Variants in WDPCP observed in about 807,000 individuals in gnomAD.
WDPCP encodes WD repeat-containing and planar cell polarity effector protein fritz homolog.
Under a neutral mutation model 93.1 loss-of-function variants are expected in WDPCP, and 71 were observed. The observed-to-expected ratio is 0.76, with a 90% CI of 0.63 to 0.93. The LOEUF (loss-of-function observed/expected upper bound fraction) is 0.93. WDPCP is among the 40% of genes least tolerant of loss of function. WDPCP has a pLI of 0.00. For missense variants in WDPCP, 844 were observed against 887.4 expected (o/e 0.95, Z 0.62); for synonymous variants, 315 against 315.0 (o/e 1.00, Z 0.00).
chr2:63,372,283 C>T (rs1009209363), intron 12 of WDPCP, among the ~76,000 whole-genome samples: 3 of 152,142 alleles, frequency 2.0e-5, no homozygotes, highest in Non-Finnish European at 4.4e-5. Flanking sequence ...AATCCACCCC[C>T]ATGATCCAAA....
At chr2:63,770,316 A>C (rs1245713883) in intron 2 of WDPCP, among the ~76,000 whole-genome samples, 1 of 151,970 alleles carries the variant, frequency 6.6e-6, no homozygotes, top group Non-Finnish European at 1.5e-5. Context: ...TTTAAGTTGT[A>C]CTCAGAAAAA....
chr2:63,437,265 G>A (rs767520005), intron 8 of WDPCP, among the ~76,000 whole-genome samples, 156 bp downstream of exon 8: 3 of 151,956 alleles, frequency 2.0e-5, no homozygotes, highest in Non-Finnish European at 2.9e-5. Flanking sequence ...ACTTAGGATG[G>A]CCACTGTTTA....
At chr2:63,126,278 T>C (rs1180086036) in intron 17 of WDPCP, among the ~76,000 whole-genome samples, 1 of 152,166 alleles carries the variant, frequency 6.6e-6, no homozygotes, top group Non-Finnish European at 1.5e-5. Flanking sequence ...TGAAAAAGTG[T>C]TTCCATCTAG....
intron 2 of WDPCP, among the ~76,000 whole-genome samples, chr2:63,691,873 A>AGTGTGTGTGT (rs71393325): frequency 4.1e-5 from 6 of 145,090 alleles, no homozygotes; most frequent in Non-Finnish European, 7.6e-5. Context: ...TATACTACAA[A>AGTGTGTGTGT]GTGTGTGTGT....
At chr2:63,173,830 T>C (rs958236517) in intron 15 of WDPCP, among the ~76,000 whole-genome samples, 3 of 152,214 alleles carry the variant, frequency 2.0e-5, no homozygotes, top group African/African-American at 7.2e-5. Flanking sequence ...CTTGAGGGTA[T>C]TATAGGTGGG....
chr2:63,195,472 A>AT lies in WDPCP; in HGVS notation c.1916-20641dup, dbSNP rs199926811. ...ACTGCATGGGTCCACTTATACATGG[A>AT]TTTTTTTTTGAGACAGGGTCTCATT... On this transcript the variant is annotated intron_variant, in intron 14 of 17. Transcript: ENST00000272321. Among the ~76,000 whole-genome samples, 448 of 151,396 alleles carry AT rather than the reference A, an allele frequency of 3.0e-3. 2 individuals carry two copies. The highest frequency in any genetic ancestry group is 4.4e-3 in the Non-Finnish European group (296 of 67,794).
chr2:63,204,605 G>C (rs946767240), intron 14 of WDPCP, among the ~76,000 whole-genome samples: 1 of 152,132 alleles, frequency 6.6e-6, no homozygotes, highest in Non-Finnish European at 1.5e-5. Flanking sequence ...GCCTCCCGAA[G>C]TGTTGGGATG....
intron 12 of WDPCP, among the ~76,000 whole-genome samples, chr2:63,333,735 A>C (rs1358861426): frequency 3.3e-5 from 5 of 152,154 alleles, no homozygotes; most frequent in Non-Finnish European, 7.4e-5. Context: ...GCCTCCCTAA[A>C]ATATATAAAA....
chr2:63,573,237 G>T (rs1031943551), intron 1 of WDPCP, among the ~76,000 whole-genome samples: 3 of 146,808 alleles, frequency 2.0e-5, no homozygotes, highest in African/African-American at 7.6e-5. Context: ...AGCAAGACCT[G>T]CCTCAAAAAA....
At chr2:63,351,632 T>C (rs567791929) in intron 12 of WDPCP, among the ~76,000 whole-genome samples, 4 of 152,332 alleles carry the variant, frequency 2.6e-5, no homozygotes, top group African/African-American at 9.6e-5. Flanking sequence ...TAGTATTCCA[T>C]GGTATACAGG....
intron 1 of WDPCP, among the ~76,000 whole-genome samples, chr2:63,821,118 T>C (rs1264327448): frequency 5.9e-5 from 9 of 152,300 alleles, no homozygotes; most frequent in African/African-American, 1.9e-4. Flanking sequence ...ATGATGTCCT[T>C]GTCCTTGAGG....
chr2:63,790,240 C>T (rs757254244), intron 2 of WDPCP, among the ~76,000 whole-genome samples: 8 of 151,990 alleles, frequency 5.3e-5, no homozygotes, highest in African/African-American at 9.7e-5. Flanking sequence ...AGGTGCTGGG[C>T]GAAATTATAG....
intron 9 of WDPCP, among the ~76,000 whole-genome samples, chr2:63,419,853 G>A (rs912482079): frequency 6.6e-6 from 1 of 152,170 alleles, no homozygotes; most frequent in Non-Finnish European, 1.5e-5. Flanking sequence ...GTAAGTGCCA[G>A]TAAGTAACCA....
chr2:63,228,348 ATTC>A (rs894787136), intron 14 of WDPCP: 26 of 137,130 alleles, frequency 1.9e-4, no homozygotes, highest in African/African-American at 7.1e-4. Flanking sequence ...GAGATGAGGT[ATTC>A]TTTTATTTTT....
At chr2:63,784,600 G>A (rs1388991767) in intron 2 of WDPCP, among the ~76,000 whole-genome samples, 1 of 151,908 alleles carries the variant, frequency 6.6e-6, no homozygotes, top group African/African-American at 2.4e-5. Flanking sequence ...GTGTGTGTGT[G>A]TGAATATGAA....
intron 1 of WDPCP, among the ~76,000 whole-genome samples, chr2:63,536,442 G>A (rs964888148): frequency 2.0e-5 from 3 of 149,392 alleles, no homozygotes; most frequent in Non-Finnish European, 3.0e-5. Flanking sequence ...TCACAATAGC[G>A]AAGACTTGGA....
chr2:63,176,006 A>T (rs1490279158), intron 14 of WDPCP, among the ~76,000 whole-genome samples: 2 of 152,140 alleles, frequency 1.3e-5, no homozygotes, highest in African/African-American at 4.8e-5. Context: ...GAAATGCCAT[A>T]CTGTTTTCAT....
chr2:63,809,875 C>T (rs1422513252), intron 2 of WDPCP, among the ~76,000 whole-genome samples: 3 of 151,630 alleles, frequency 2.0e-5, no homozygotes, highest in African/African-American at 7.3e-5. Context: ...CCTGCCAAAT[C>T]CCCCTCTGTG....
intron 2 of WDPCP, among the ~76,000 whole-genome samples, chr2:63,491,245 A>G (rs1700858121): frequency 6.6e-6 from 1 of 152,042 alleles, no homozygotes; most frequent in African/African-American, 2.4e-5. Context: ...CTGTTTCTTC[A>G]GAGACCCATT....
Sources: gnomAD v4.1 joint callset for allele counts (sites outside exome capture counted in the v4.1 genomes callset) on GRCh38, gnomAD v4.1.1 for gene constraint, MANE v1.5 for transcripts, NCBI Gene and HGNC (gene_info 2026-07-23, HGNC 2026-07-21) for gene names.